The following SLC25A48 variants were observed in gnomAD, a reference collection of about 807,000 sequenced individuals.
SLC25A48 encodes the protein CTC-321K16.1.
Under a neutral mutation model 32.2 loss-of-function variants are expected in SLC25A48, and 29 were observed. That is an observed-to-expected ratio of 0.90 (90% CI 0.67 to 1.23). SLC25A48 has a LOEUF of 1.23. Ranked by LOEUF, SLC25A48 falls within the 50% of genes most tolerant of loss-of-function variation. The pLI is 0.00. For synonymous variants in SLC25A48, 164 were observed against 172.3 expected (o/e 0.95, Z 0.38); for missense variants, 399 against 422.7 (o/e 0.94, Z 0.49).
At chr5:135,601,522 G>T (rs1751795699) in intron 1 of SLC25A48, among the ~76,000 whole-genome samples, 1 of 152,148 alleles carries the variant, frequency 6.6e-6, no homozygotes, top group African/African-American at 2.4e-5. Context: ...ACAACTCCTA[G>T]GAGAAAGTGT....
At chr5:135,792,585 C>T (rs1316769638) in intron 3 of SLC25A48, among the ~76,000 whole-genome samples, 1 of 151,676 alleles carries the variant, frequency 6.6e-6, no homozygotes, top group African/African-American at 2.4e-5. Context: ...TATTACTCTC[C>T]TAATGTCACT....
chr5:135,763,420 C>T (rs1756112527), intron 3 of SLC25A48, among the ~76,000 whole-genome samples: 1 of 152,064 alleles, frequency 6.6e-6, no homozygotes, highest in Non-Finnish European at 1.5e-5. Context: ...CAGGACCTGC[C>T]CGTAGTGGGC....
intron 3 of SLC25A48, among the ~76,000 whole-genome samples, chr5:135,739,077 A>G (rs1755443952): frequency 6.6e-6 from 1 of 152,096 alleles, no homozygotes; most frequent in African/African-American, 2.4e-5. Flanking sequence ...GCGATACTCC[A>G]TCTCAACAAA....
Position 135,756,117 on chromosome 5 carries a change from G to C in SLC25A48, c.-520-56406G>C, listed in dbSNP as rs146625128. Among the ~76,000 whole-genome samples the C allele has an allele frequency of 1.9e-3, 291 of 151,880 alleles. 2 individuals carry two copies. Among genetic ancestry groups the C allele is most frequent in the African/African-American group, 6.7e-3 (276 of 41,406 alleles). On this transcript the variant is annotated intron_variant, in intron 3 of 10. Transcript: ENST00000646290. Reference sequence around the variant, plus strand: ...AATGTCAACACACTATGGTATTAATGAAATATTGCTGTGATATTTATCGTA... The same window carrying C: ...AATGTCAACACACTATGGTATTAATCAAATATTGCTGTGATATTTATCGTA...
chr5:135,697,932 C>A (rs1331781947), intron 3 of SLC25A48, among the ~76,000 whole-genome samples: 1 of 152,250 alleles, frequency 6.6e-6, no homozygotes, highest in Non-Finnish European at 1.5e-5. Flanking sequence ...CATCCCCTCA[C>A]GGCTTCCCAT....
At chr5:135,624,215 C>T (rs901643648) in intron 1 of SLC25A48, among the ~76,000 whole-genome samples, 1 of 152,122 alleles carries the variant, frequency 6.6e-6, no homozygotes, top group African/African-American at 2.4e-5. Flanking sequence ...ACCTGGGAAC[C>T]ATAGCGCAGT....
At chr5:135,728,264 A>C (rs964914195) in intron 3 of SLC25A48, among the ~76,000 whole-genome samples, 2 of 152,146 alleles carry the variant, frequency 1.3e-5, no homozygotes, top group Admixed American at 6.5e-5. Context: ...TCAAAAAAAA[A>C]AAAAAAAATG....
At chr5:135,625,812 A>G (rs1319681572) in intron 1 of SLC25A48, among the ~76,000 whole-genome samples, 1 of 152,074 alleles carries the variant, frequency 6.6e-6, no homozygotes. Flanking sequence ...TGGCTATGAC[A>G]ACAACCAGGA....
intron 3 of SLC25A48, among the ~76,000 whole-genome samples, chr5:135,770,080 A>G (rs1756364240): frequency 8.2e-6 from 1 of 122,312 alleles, no homozygotes; most frequent in South Asian, 2.7e-4. Context: ...ATTTTTCCTA[A>G]TAGCCGGGGG....
At position 135,617,186 on chromosome 5, in the gene SLC25A48, T is replaced by C; in HGVS notation, c.-848-12051T>C. 1.3e-5 allele frequency among the ~76,000 whole-genome samples: 2 copies of C among 152,190 alleles called. 1 individual carries two copies. Among genetic ancestry groups the C allele is most frequent in the African/African-American group, 4.8e-5 (2 of 41,490 alleles). On this transcript the variant is annotated intron_variant, in intron 1 of 10. Transcript: ENST00000646290. ...CTATTTCTTTCAGATTCAATCTTGG[T>C]AGGCAGTGTGTGTCAAGGAATGTAT...
At chr5:135,604,724 A>G (rs1751890415) in intron 1 of SLC25A48, among the ~76,000 whole-genome samples, 1 of 152,342 alleles carries the variant, frequency 6.6e-6, no homozygotes, top group South Asian at 2.1e-4. Context: ...TAAATTCAGC[A>G]TTGCCTCAAT....
At chr5:135,778,511 C>G (rs977705359) in intron 3 of SLC25A48, among the ~76,000 whole-genome samples, 1 of 151,532 alleles carries the variant, frequency 6.6e-6, no homozygotes, top group Admixed American at 6.6e-5. Flanking sequence ...GATGATATTA[C>G]TCCCAATGTC....
At chr5:135,605,302 A>G (rs1751908528) in intron 1 of SLC25A48, among the ~76,000 whole-genome samples, 1 of 152,246 alleles carries the variant, frequency 6.6e-6, no homozygotes, top group African/African-American at 2.4e-5. Flanking sequence ...ATTGGTTCTA[A>G]ATGATGAGTA....
intron 3 of SLC25A48, among the ~76,000 whole-genome samples, chr5:135,794,336 A>T (rs919695158): frequency 2.0e-5 from 3 of 151,782 alleles, no homozygotes; most frequent in African/African-American, 7.3e-5. Context: ...TATTACTCTC[A>T]ATATCACAGG....
intron 3 of SLC25A48, among the ~76,000 whole-genome samples, chr5:135,665,918 C>G (rs969548241): frequency 6.6e-6 from 1 of 152,156 alleles, no homozygotes; most frequent in African/African-American, 2.4e-5. Flanking sequence ...CATAGCTCTG[C>G]TCTGTAGAAT....
chr5:135,804,386 C>A (rs11749405), intron 3 of SLC25A48, among the ~76,000 whole-genome samples: 24 of 151,598 alleles, frequency 1.6e-4, no homozygotes, highest in Middle Eastern at 3.4e-3. Flanking sequence ...GGGTTTCCAC[C>A]CATAATGTAC....
chr5:135,709,148 C>G (rs894752304), intron 3 of SLC25A48, among the ~76,000 whole-genome samples: 1 of 152,104 alleles, frequency 6.6e-6, no homozygotes, highest in African/African-American at 2.4e-5. Context: ...AAACAAAGAC[C>G]CCTGACAGCT....
intron 1 of SLC25A48, 46 bp downstream of exon 1, chr5:135,834,939 G>A (rs766030199): frequency 4.4e-6 from 7 of 1,578,044 alleles, no homozygotes; most frequent in African/African-American, 2.7e-5. Context: ...AGCGAGCCTG[G>A]CGGAGTTTGC....
intron 1 of SLC25A48, among the ~76,000 whole-genome samples, chr5:135,624,335 A>C (rs1030645676): frequency 2.0e-5 from 3 of 152,150 alleles, no homozygotes; most frequent in Admixed American, 6.5e-5. Context: ...GAGAGGCAAA[A>C]ATATTTTAGG....
Sources: allele counts gnomAD v4.1 joint callset (sites outside exome capture counted in the v4.1 genomes callset), GRCh38; gene constraint gnomAD v4.1.1; transcripts MANE v1.5; gene names NCBI Gene and HGNC (gene_info 2026-07-23, HGNC 2026-07-21).